Variants in NELL2 observed in about 807,000 individuals in gnomAD.
NELL2 encodes the protein neural EGFL like 2, also known as protein kinase C-binding protein NELL2.
In NELL2, 41 loss-of-function variants were observed where a neutral mutation model predicts 109.6. The observed-to-expected ratio is 0.37, with a 90% confidence interval of 0.29 to 0.49. The LOEUF (loss-of-function observed/expected upper bound fraction) is 0.49, where lower values mean the gene tolerates loss of function less well. Among genes scored for constraint, NELL2 ranks in the 20% least tolerant of loss-of-function variants. NELL2 has a pLI of 0.98. For synonymous variants in NELL2, 355 were observed against 344.7 expected, an observed-to-expected ratio of 1.03 and a Z score of -0.33; for missense variants, 900 against 1,008.3, an observed-to-expected ratio of 0.89 and a Z score of 1.45.
intron 1 of NELL2, among the ~76,000 whole-genome samples, chr12:44,881,348 T>C (rs539092861): frequency 4.6e-5 from 7 of 151,834 alleles, no homozygotes; most frequent in African/African-American, 1.7e-4. Flanking sequence ...GAAACTATTA[T>C]AAAAATGCTC....
chr12:44,859,085 A>G (rs1944764638), intron 2 of NELL2, among the ~76,000 whole-genome samples: 2 of 152,334 alleles, frequency 1.3e-5, no homozygotes, highest in East Asian at 3.9e-4. Flanking sequence ...TCATTCTTCA[A>G]GATAAAGTCC....
At chr12:44,622,849 T>G (rs1946108860) in intron 13 of NELL2, among the ~76,000 whole-genome samples, 1 of 152,170 alleles carries the variant, frequency 6.6e-6, no homozygotes, top group Admixed American at 6.6e-5. Flanking sequence ...GAGTATGTTA[T>G]TTCAATATCT....
At chr12:44,766,788 GTTTGA>G (rs1941353103) in intron 9 of NELL2, among the ~76,000 whole-genome samples, 1 of 152,152 alleles carries the variant, frequency 6.6e-6, no homozygotes, top group African/African-American at 2.4e-5. Context: ...GTGCTAGACA[GTTTGA>G]TTTAATTATT....
chr12:44,721,977 T>A (rs1938798226), intron 9 of NELL2, among the ~76,000 whole-genome samples: 1 of 151,490 alleles, frequency 6.6e-6, no homozygotes, highest in Non-Finnish European at 1.5e-5. Context: ...AAGCTCTGTG[T>A]AGAGTAAGAC....
chr12:44,826,301 A>G (rs1943709307), intron 2 of NELL2, among the ~76,000 whole-genome samples: 1 of 152,204 alleles, frequency 6.6e-6, no homozygotes, highest in African/African-American at 2.4e-5. Flanking sequence ...TCAGACATAG[A>G]ATGGTTGACT....
chr12:44,769,745 C>T (rs749140545), intron 9 of NELL2, among the ~76,000 whole-genome samples: 2 of 152,070 alleles, frequency 1.3e-5, no homozygotes, highest in Non-Finnish European at 2.9e-5. Context: ...AATTGTGGTA[C>T]ATAAACACAA....
chr12:44,696,429 GA>G (rs1949063827), intron 12 of NELL2, among the ~76,000 whole-genome samples: 1 of 152,110 alleles, frequency 6.6e-6, no homozygotes, highest in African/African-American at 2.4e-5. Flanking sequence ...AATCTTAGGG[GA>G]AAAAATGAGT....
In NELL2 at chr12:44,631,627, G is replaced by T. The variant is rs575322126; in HGVS notation, c.1445-20657C>A. Among the ~76,000 whole-genome samples, 4 of 152,084 alleles carry T rather than the reference G, an allele frequency of 2.6e-5. No individual in the cohort carries two copies. The South Asian group carries it at 8.3e-4, about 32-fold the overall frequency. ...AGTATCAATCACACCCCAAACCTCA[G>T]CATCACACAATATGCTCAGGTAACA... On this transcript the variant is annotated intron_variant, in intron 13 of 19. Transcript: ENST00000429094.
At chr12:44,652,101 T>A (rs1279229334) in intron 13 of NELL2, among the ~76,000 whole-genome samples, 1 of 152,182 alleles carries the variant, frequency 6.6e-6, no homozygotes, top group Non-Finnish European at 1.5e-5. Flanking sequence ...CACTAATGGA[T>A]GGCTCAGAAA....
At chr12:44,763,695 C>T (rs1285103959) in intron 9 of NELL2, among the ~76,000 whole-genome samples, 1 of 152,100 alleles carries the variant, frequency 6.6e-6, no homozygotes, top group Non-Finnish European at 1.5e-5. Context: ...AAATCACCAT[C>T]TTTAAAATAA....
chr12:44,876,793 A>T (rs1945341140), upstream of NELL2: 13 of 1,383,870 alleles, frequency 9.4e-6, no homozygotes, highest in Admixed American at 2.9e-5. Context: ...GGGCGTGCGG[A>T]GGAAGGCCAC....
At chr12:44,521,564 G>GGC (rs1941543580) in intron 18 of NELL2, among the ~76,000 whole-genome samples, 1 of 151,258 alleles carries the variant, frequency 6.6e-6, no homozygotes, top group South Asian at 2.1e-4. Flanking sequence ...TGGTGGGGGA[G>GGC]GCGGAGTTGC....
chr12:44,709,864 G>C (rs1002486496), intron 11 of NELL2, among the ~76,000 whole-genome samples: 3 of 152,196 alleles, frequency 2.0e-5, no homozygotes, highest in Non-Finnish European at 2.9e-5. Context: ...TGAATCCAAA[G>C]AGCATTCTTG....
intron 2 of NELL2, among the ~76,000 whole-genome samples, chr12:44,843,097 A>C (rs1944274955): frequency 6.6e-6 from 1 of 152,156 alleles, no homozygotes; most frequent in Non-Finnish European, 1.5e-5. Flanking sequence ...AGAAGACTTC[A>C]CTCAGAAAAC....
chr12:44,589,266 A>G (rs942005656), intron 15 of NELL2, among the ~76,000 whole-genome samples: 12 of 102,610 alleles, frequency 1.2e-4, no homozygotes, highest in Admixed American at 6.0e-4. Context: ...AGTCCAGTGG[A>G]AAAAAAAAAA....
intron 19 of NELL2, among the ~76,000 whole-genome samples, chr12:44,512,414 T>C (rs1592048822): frequency 6.6e-6 from 1 of 151,922 alleles, no homozygotes; most frequent in East Asian, 1.9e-4. Context: ...TAAAAAACAG[T>C]ATGAAAGTTT....
intron 15 of NELL2, among the ~76,000 whole-genome samples, chr12:44,566,574 T>A (rs1213642120): frequency 1.4e-5 from 2 of 138,660 alleles, no homozygotes; most frequent in African/African-American, 6.9e-5. Context: ...CACAGAGTTT[T>A]ATGAATAGCA....
intron 13 of NELL2, among the ~76,000 whole-genome samples, chr12:44,621,277 T>A (rs1263400399): frequency 1.3e-5 from 2 of 152,176 alleles, no homozygotes; most frequent in African/African-American, 2.4e-5. Flanking sequence ...CTCAGTCTCA[T>A]TTAGATGAGC....
At chr12:44,599,647 A>C (rs1945120857) in intron 15 of NELL2, among the ~76,000 whole-genome samples, 1 of 152,146 alleles carries the variant, frequency 6.6e-6, no homozygotes, top group Admixed American at 6.5e-5. Flanking sequence ...AAGGGGAAAG[A>C]AGCAATATCC....
Sources: allele counts gnomAD v4.1 joint callset (sites outside exome capture counted in the v4.1 genomes callset), GRCh38; gene constraint gnomAD v4.1.1; transcripts MANE v1.5; gene names NCBI Gene and HGNC (gene_info 2026-07-23, HGNC 2026-07-21).